Variants in DIP2C observed in about 807,000 individuals in gnomAD.
The protein encoded by DIP2C is disco-interacting protein 2 homolog C.
Under a neutral mutation model 192.4 loss-of-function variants are expected in DIP2C, and 33 were observed. The observed-to-expected ratio is 0.17, with a 90% CI of 0.13 to 0.23. The LOEUF is 0.23. Among genes scored for constraint, DIP2C ranks in the 10% least tolerant of loss-of-function variants. The pLI is 1.00. For synonymous variants in DIP2C, 979 were observed against 864.1 expected, an observed-to-expected ratio of 1.13 and a Z score of -2.33; for missense variants, 1,537 against 2,110.1, an observed-to-expected ratio of 0.73 and a Z score of 5.32.
chr10:497,320 C>T (rs184231248), intron 1 of DIP2C, among the ~76,000 whole-genome samples: 5 of 152,150 alleles, frequency 3.3e-5, no homozygotes, highest in Admixed American at 1.3e-4. Flanking sequence ...ATAGAACCCA[C>T]GAATATGGAA....
rs377495643 is a variant in DIP2C at position 585,353 on chromosome 10, C to T, written c.86-98823G>A. On this transcript the variant is annotated intron_variant, in intron 1 of 36. Transcript: ENST00000280886. ...GCCTCTCTCCATTCCCTACTGAATT[C>T]GCTCAGAAGACGGGTGTTCCCAAAC... is the stretch of plus-strand genomic sequence containing the variant. Among the ~76,000 whole-genome samples, 25 of 152,344 alleles carry T rather than the reference C, an allele frequency of 1.6e-4. No individual in the cohort carries two copies. The East Asian group carries it at 4.1e-3, about 25-fold the overall frequency.
rs527688114 is a variant in DIP2C at position 533,088 on chromosome 10, ACT to A, written c.86-46560_86-46559del. On this transcript the variant is annotated intron_variant, in intron 1 of 36. Coordinates refer to ENST00000280886, the MANE Select transcript of DIP2C (RefSeq NM_014974.3). ...ACCCCACTTACATAGATCCCAGCAC[ACT>A]CTCACAGCTCGAGGGTTTTCCTGAA... Among the ~76,000 whole-genome samples the A allele has an allele frequency of 1.5e-3, 224 of 152,250 alleles. 1 individual carries two copies. The highest frequency in any genetic ancestry group is 3.3e-3 in the South Asian group (16 of 4,822).
In DIP2C at chr10:363,915, G is replaced by A. The variant is rs961815114; in HGVS notation, c.2477+459C>T. On this transcript the variant is annotated intron_variant, in intron 20 of 36. Coordinates refer to ENST00000280886, the MANE Select transcript of DIP2C (RefSeq NM_014974.3). The surrounding 1 kb of genome is among the most constrained non-coding windows in gnomAD (Gnocchi z 5.4). ...CCAGATTGGCAAAAACTCAGGAACC[G>A]TGGCAACTTATTTCATCACGGAGCC... 2.6e-5 allele frequency among the ~76,000 whole-genome samples: 4 copies of A among 152,140 alleles called. No individual in the cohort carries two copies. Among genetic ancestry groups the A allele is most frequent in the Middle Eastern group, 3.2e-3 (1 of 316 alleles).
In DIP2C at chr10:472,489, C is replaced by T. The variant is rs1462743254; in HGVS notation, c.218G>A (p.Arg73His). The T allele has an allele frequency of 3.1e-6, 5 of 1,614,154 alleles. No homozygotes were observed. Among genetic ancestry groups the T allele is most frequent in the Admixed American group, 1.7e-5 (1 of 60,020 alleles). ...RAPVTPSSAS[R>H]YHRRRSSGSR... Reference sequence around the variant, plus strand: ...CCCTGAAGACCGTCGGCGGTGGTAGCGAGAGGCGGAGGAAGGAGTGACAGG... The same window carrying T: ...CCCTGAAGACCGTCGGCGGTGGTAGTGAGAGGCGGAGGAAGGAGTGACAGG... Residue 73 changes from arginine to histidine, a missense_variant, in exon 3 of 37, where the codon CGC (arginine) becomes CAC (histidine). Around this residue, in one of 4 missense-constraint regions of DIP2C, gnomAD observed 473 missense variants for 539.6 expected, o/e 0.88. Coordinates refer to ENST00000280886, the MANE Select transcript of DIP2C (RefSeq NM_014974.3).
intron 3 of DIP2C, among the ~76,000 whole-genome samples, chr10:451,377 G>A (rs748140264): frequency 2.0e-5 from 3 of 152,118 alleles, no homozygotes; most frequent in African/African-American, 4.8e-5. Flanking sequence ...TTATCCTATC[G>A]CCCTTCAGTG....
intron 31 of DIP2C, among the ~76,000 whole-genome samples, chr10:317,292 A>G (rs1589458736): frequency 6.6e-6 from 1 of 152,330 alleles, no homozygotes; most frequent in Middle Eastern, 3.4e-3. Flanking sequence ...GACCAGCCAA[A>G]CACTGGCTTT....
intron 10 of DIP2C, among the ~76,000 whole-genome samples, chr10:393,001 T>C (rs920881857): frequency 2.6e-5 from 4 of 152,160 alleles, no homozygotes; most frequent in African/African-American, 9.7e-5. Flanking sequence ...CCTCACGACC[T>C]CTGCCGGTGA....
intron 29 of DIP2C, among the ~76,000 whole-genome samples, chr10:333,808 C>T (rs1309883070): frequency 1.3e-5 from 2 of 152,216 alleles, no homozygotes; most frequent in African/African-American, 2.4e-5. Flanking sequence ...AACACGAGCT[C>T]TCCAACTTTA....
chr10:558,534 G>A (rs956464524), intron 1 of DIP2C, among the ~76,000 whole-genome samples: 20 of 152,182 alleles, frequency 1.3e-4, no homozygotes, highest in African/African-American at 4.3e-4. Flanking sequence ...AGGGGGACAG[G>A]AGCACGTCCA....
chr10:421,680 A>G (rs1966191694), intron 5 of DIP2C, among the ~76,000 whole-genome samples: 1 of 152,218 alleles, frequency 6.6e-6, no homozygotes, highest in African/African-American at 2.4e-5. Flanking sequence ...ACAAACTTTT[A>G]CAGAGTATTT....
intron 32 of DIP2C, among the ~76,000 whole-genome samples, chr10:308,256 C>T (rs1956416326): frequency 6.6e-6 from 1 of 152,128 alleles, no homozygotes; most frequent in African/African-American, 2.4e-5. Context: ...GAGCCTAGGC[C>T]AGCTAGCAGC....
intron 23 of DIP2C, among the ~76,000 whole-genome samples, chr10:357,257 G>A (rs1327802292): frequency 6.6e-6 from 1 of 152,202 alleles, no homozygotes; most frequent in Non-Finnish European, 1.5e-5. Flanking sequence ...CTGGGCCTCG[G>A]GAGTTTCTCC....
At chr10:349,249 C>A in intron 25 of DIP2C, 82 bp downstream of exon 25, 1 of 1,538,240 alleles carries the variant, frequency 6.5e-7, no homozygotes, top group South Asian at 1.2e-5. Flanking sequence ...TCGGCTCAGG[C>A]ACCAGCGGGT....
Position 419,253 on chromosome 10 carries a change from G to A in DIP2C, c.605-54C>T, listed in dbSNP as rs1966010355. The A allele has an allele frequency of 5.6e-6, 9 of 1,611,080 alleles. No homozygotes were observed. The South Asian group carries it at 8.8e-5, about 16-fold the overall frequency. On this transcript the variant is annotated intron_variant, in intron 5 of 36. Coordinates refer to ENST00000280886, the MANE Select transcript of DIP2C (RefSeq NM_014974.3). ...TGGTGGTTGTGATGTTTGCTCTGAA[G>A]GTGGAACAAGCCACAGCCCAGGAAG...
chr10:397,520 T>C (rs1412921094), intron 10 of DIP2C, among the ~76,000 whole-genome samples: 1 of 110,500 alleles, frequency 9.0e-6, no homozygotes, highest in East Asian at 2.9e-4. Context: ...ACACAGCGAC[T>C]CCATCTCAAA....
At chr10:386,273 G>A (rs369617002) in intron 14 of DIP2C, among the ~76,000 whole-genome samples, 18 of 152,158 alleles carry the variant, frequency 1.2e-4, no homozygotes, top group African/African-American at 3.4e-4. Context: ...TTCTCACACC[G>A]GCCACGTCAA....
intron 1 of DIP2C, among the ~76,000 whole-genome samples, chr10:596,902 C>T (rs1164056139): frequency 2.0e-5 from 3 of 152,226 alleles, no homozygotes; most frequent in South Asian, 2.1e-4. Context: ...CTGAGCAATG[C>T]GCATAGTGAC....
At chr10:635,636 A>T (rs1176936930) in intron 1 of DIP2C, among the ~76,000 whole-genome samples, 2 of 152,238 alleles carry the variant, frequency 1.3e-5, no homozygotes, top group Admixed American at 6.5e-5. Context: ...GGCCGTGGCC[A>T]GCCCTGGAGG....
intron 9 of DIP2C, 140 bp downstream of exon 9, chr10:408,786 C>G (rs1263507106): frequency 1.4e-5 from 10 of 692,824 alleles, no homozygotes; most frequent in Non-Finnish European, 2.2e-5. Context: ...GTGTAACTTA[C>G]CAGGTAGCAG....
Sources: allele counts gnomAD v4.1 joint callset (sites outside exome capture counted in the v4.1 genomes callset), GRCh38; gene constraint gnomAD v4.1.1; regional missense constraint gnomAD v4.1.1; non-coding constraint Gnocchi (gnomAD v3.1); transcripts MANE v1.5; gene names NCBI Gene and HGNC (gene_info 2026-07-23, HGNC 2026-07-21).